The following ARHGAP42 variants were observed in gnomAD, a reference collection of about 807,000 sequenced individuals.
ARHGAP42 encodes the protein rho GTPase-activating protein 42.
ARHGAP42 carries 63 observed loss-of-function variants against 125.0 expected under a neutral mutation model. The observed-to-expected ratio is 0.50, with a 90% CI of 0.41 to 0.62. The LOEUF (loss-of-function observed/expected upper bound fraction) is 0.62, where lower values mean the gene tolerates loss of function less well. Ranked by LOEUF, ARHGAP42 falls within the 20% of genes least tolerant of loss-of-function variation. The pLI is 0.00. For synonymous variants in ARHGAP42, 339 were observed against 351.0 expected (o/e 0.97, Z 0.38); for missense variants, 766 against 1,024.2 (o/e 0.75, Z 3.44).
chr11:100,731,640 G>A (rs1383034455), intron 1 of ARHGAP42, among the ~76,000 whole-genome samples: 1 of 152,188 alleles, frequency 6.6e-6, no homozygotes, highest in Non-Finnish European at 1.5e-5. Flanking sequence ...GGCCCTGGGA[G>A]CAGGGAAGGT....
chr11:100,709,982 ATTC>A, intron 1 of ARHGAP42, among the ~76,000 whole-genome samples: 1 of 152,286 alleles, frequency 6.6e-6, no homozygotes, highest in East Asian at 1.9e-4. Context: ...GCCCCAGAAT[ATTC>A]TTCTATTGCA....
intron 3 of ARHGAP42, among the ~76,000 whole-genome samples, chr11:100,796,253 A>G (rs182833301): frequency 2.0e-4 from 31 of 151,988 alleles, no homozygotes; most frequent in African/African-American, 7.5e-4. Context: ...TACTATTAGG[A>G]CTTTTTTGGG....
chr11:100,852,005 G>A (rs1190198053), intron 3 of ARHGAP42, among the ~76,000 whole-genome samples: 1 of 152,126 alleles, frequency 6.6e-6, no homozygotes, highest in Non-Finnish European at 1.5e-5. Flanking sequence ...GAGCCACTAT[G>A]AGCCTGCTTT....
Position 100,837,936 on chromosome 11 carries a change from A to ATTTTC in ARHGAP42, c.313-21614_313-21613insCTTTT, listed in dbSNP as rs1864851651. Among the ~76,000 whole-genome samples the ATTTTC allele has an allele frequency of 1.4e-5, 2 of 148,046 alleles. 1 individual carries two copies. The highest frequency in any genetic ancestry group is 5.0e-5 in the African/African-American group (2 of 40,014). The stretch of plus-strand genomic sequence containing the variant: ...GTGCAGTCTAACAGGTTTTTATTTT[A>ATTTTC]TTTTATTTTATTTTACTAGGAGACA... On this transcript the variant is annotated intron_variant, in intron 3 of 23. Coordinates refer to ENST00000298815, the MANE Select transcript of ARHGAP42 (RefSeq NM_152432.4).
chr11:100,718,723 C>T (rs1005909862), intron 1 of ARHGAP42, among the ~76,000 whole-genome samples: 4 of 152,146 alleles, frequency 2.6e-5, no homozygotes, highest in African/African-American at 9.7e-5. Context: ...AGTAAATTCT[C>T]ACTTAGACTA....
intron 1 of ARHGAP42, among the ~76,000 whole-genome samples, chr11:100,751,758 A>G (rs898423258): frequency 7.0e-6 from 1 of 143,110 alleles, no homozygotes; most frequent in Non-Finnish European, 1.5e-5. Context: ...CTGGTTATTC[A>G]GATCAGACAG....
chr11:100,953,246 G>A (rs552490), intron 12 of ARHGAP42, among the ~76,000 whole-genome samples: 43,072 of 151,766 alleles, frequency 0.28, 7,226 homozygotes, highest in East Asian at 0.74. Context: ...CTAACTCACC[G>A]GCCACTTCGA....
intron 1 of ARHGAP42, among the ~76,000 whole-genome samples, chr11:100,724,144 C>T (rs971414077): frequency 6.6e-6 from 1 of 152,072 alleles, no homozygotes. Context: ...TTAGAATGTT[C>T]TGTCAGCCTT....
In ARHGAP42 at chr11:100,988,614, T is replaced by G. The variant is rs897850115; in HGVS notation, c.2537-99T>G. The G allele has an allele frequency of 4.2e-6, 4 of 942,902 alleles. No individual in the cohort carries two copies. In the African/African-American group the frequency reaches 6.5e-5, roughly 15 times the overall value. 58.4% of individuals were successfully genotyped at this position (942,902 alleles called of 1,614,324 possible). On this transcript the variant is annotated intron_variant, in intron 23 of 23. Coordinates refer to ENST00000298815, the MANE Select transcript of ARHGAP42 (RefSeq NM_152432.4). ...CCTGGAACTAATCCCCCACAGATAC[T>G]GAGGACTGACAATCCGATGTGGGTG... is the stretch of plus-strand genomic sequence containing the variant.
chr11:100,861,018 C>T (rs533729538), intron 4 of ARHGAP42, among the ~76,000 whole-genome samples: 24 of 152,264 alleles, frequency 1.6e-4, no homozygotes, highest in African/African-American at 5.8e-4. Flanking sequence ...TCATGAAAAA[C>T]AGACATAGAA....
chr11:100,831,982 G>A (rs532669788), intron 3 of ARHGAP42, among the ~76,000 whole-genome samples: 147 of 152,304 alleles, frequency 9.7e-4, no homozygotes, highest in Admixed American at 1.8e-3. Context: ...AGTAAATAAC[G>A]AATTTTTGTG....
At chr11:100,957,309 G>GA (rs894906843) in intron 12 of ARHGAP42, among the ~76,000 whole-genome samples, 29 of 150,972 alleles carry the variant, frequency 1.9e-4, no homozygotes, top group African/African-American at 5.8e-4. Flanking sequence ...GAGCAGATAG[G>GA]AAAAAAAAAC....
intron 1 of ARHGAP42, among the ~76,000 whole-genome samples, chr11:100,751,055 C>T (rs777197357): frequency 6.6e-6 from 1 of 151,196 alleles, no homozygotes; most frequent in Non-Finnish European, 1.5e-5. Context: ...TCTCCTGCCT[C>T]AGCCTCCTAA....
chr11:100,782,317 C>A (rs1863334742), intron 2 of ARHGAP42, among the ~76,000 whole-genome samples: 1 of 152,144 alleles, frequency 6.6e-6, no homozygotes, highest in South Asian at 2.1e-4. Flanking sequence ...AGATTACATG[C>A]ATCACAAAAT....
Position 100,921,593 on chromosome 11 carries a change from T to A in ARHGAP42, c.586T>A (p.Phe196Ile). ...QEVQEKKKFEFVEPLLSFLQG... is the reference protein window; with the variant it reads ...QEVQEKKKFEIVEPLLSFLQG... ...GGTCCAAGAAAAAAAGAAGTTTGAA[T>A]TTGTTGAACCGGTAAGTTTCAGATT... is the stretch of plus-strand genomic sequence containing the variant. The change falls in exon 6 of 24, where the codon TTT becomes ATT. Residue 196 changes from phenylalanine (F) to isoleucine (I), a missense_variant. Phe to Ile is a conservative substitution (Grantham distance 21, BLOSUM62 0). Around this residue, in one of 3 missense-constraint regions of ARHGAP42, gnomAD observed 455 missense variants for 636.5 expected, o/e 0.71. Transcript: ENST00000298815. 4 of 1,535,126 alleles carry A rather than the reference T, an allele frequency of 2.6e-6. No individual in the cohort carries two copies. Among genetic ancestry groups the A allele is most frequent in the Non-Finnish European group, 3.5e-6 (4 of 1,136,898 alleles).
In ARHGAP42 at chr11:100,892,371, T is replaced by G. The variant is rs1165005914; in HGVS notation, c.385-21081T>G. ...TGAAGTCCAGATGCTTTGGTAGCTCTTGATGGGATCAAATTATAATCAATA... is the reference window on the plus strand; with the variant it reads ...TGAAGTCCAGATGCTTTGGTAGCTCGTGATGGGATCAAATTATAATCAATA... On this transcript the variant is annotated intron_variant, in intron 4 of 23. Coordinates refer to ENST00000298815, the MANE Select transcript of ARHGAP42 (RefSeq NM_152432.4). Among the ~76,000 whole-genome samples, 3 of 152,288 alleles carry G rather than the reference T, an allele frequency of 2.0e-5. No homozygotes were observed. The East Asian group carries it at 5.8e-4, about 30-fold the overall frequency.
At chr11:100,925,529 G>A (rs1288142356) in intron 6 of ARHGAP42, among the ~76,000 whole-genome samples, 1 of 151,228 alleles carries the variant, frequency 6.6e-6, no homozygotes, top group African/African-American at 2.5e-5. Flanking sequence ...CTTGAGACCA[G>A]GAGTTCAAGA....
chr11:100,913,050 G>A (rs1306600031), intron 4 of ARHGAP42, among the ~76,000 whole-genome samples: 1 of 152,000 alleles, frequency 6.6e-6, no homozygotes, highest in African/African-American at 2.4e-5. Flanking sequence ...TCAACAAAAA[G>A]CCTAAAAAAG....
chr11:100,908,370 C>T (rs2135223698), intron 4 of ARHGAP42, among the ~76,000 whole-genome samples: 1 of 152,238 alleles, frequency 6.6e-6, no homozygotes, highest in South Asian at 2.1e-4. Flanking sequence ...TCATTGTACC[C>T]AACAGGTAAT....
Sources: allele counts gnomAD v4.1 joint callset (sites outside exome capture counted in the v4.1 genomes callset), GRCh38; gene constraint gnomAD v4.1.1; regional missense constraint gnomAD v4.1.1; transcripts MANE v1.5; gene names NCBI Gene and HGNC (gene_info 2026-07-23, HGNC 2026-07-21).